Variants in CACNA2D3 observed in about 807,000 individuals in gnomAD.
The protein encoded by CACNA2D3 is voltage-dependent calcium channel subunit alpha-2/delta-3.
CACNA2D3 carries 60 observed loss-of-function variants against 160.6 expected under a neutral mutation model. That is an observed-to-expected ratio of 0.37 (90% confidence interval 0.30 to 0.46). CACNA2D3 has a LOEUF of 0.46. CACNA2D3 is among the 20% of genes least tolerant of loss of function. The pLI is 1.00. For synonymous variants in CACNA2D3, 558 were observed against 492.9 expected, an observed-to-expected ratio of 1.13 and a Z score of -1.75; for missense variants, 1,205 against 1,365.0, an observed-to-expected ratio of 0.88 and a Z score of 1.85.
At chr3:54,383,362 T>C (rs1699136115) in intron 3 of CACNA2D3, among the ~76,000 whole-genome samples, 3 of 152,114 alleles carry the variant, frequency 2.0e-5, no homozygotes. Flanking sequence ...TAGGCCTGTC[T>C]CCTATTGGCA....
chr3:55,004,725 C>G, intron 31 of CACNA2D3, 38 bp from the exon 32 acceptor site: 1 of 1,431,838 alleles, frequency 7.0e-7, no homozygotes, highest in Non-Finnish European at 9.9e-7. Flanking sequence ...CCCGTGTTTT[C>G]TCATTTAGTG....
At chr3:54,551,012 C>G (rs534697374) in intron 5 of CACNA2D3, among the ~76,000 whole-genome samples, 3 of 152,332 alleles carry the variant, frequency 2.0e-5, no homozygotes, top group South Asian at 4.1e-4. Context: ...GCGCCACTCA[C>G]CTGCCACCAC....
At chr3:54,896,377 G>A (rs182626744) in intron 25 of CACNA2D3, among the ~76,000 whole-genome samples, 8 of 152,258 alleles carry the variant, frequency 5.3e-5, no homozygotes, top group African/African-American at 1.7e-4. Context: ...TTCTCCCAAG[G>A]GTATGAGTAT....
intron 2 of CACNA2D3, among the ~76,000 whole-genome samples, chr3:54,288,300 C>T (rs1343121273): frequency 1.6e-4 from 25 of 152,196 alleles, no homozygotes; most frequent in South Asian, 1.0e-3. Flanking sequence ...AACACCTCTA[C>T]GCAAATAAAC....
intron 5 of CACNA2D3, among the ~76,000 whole-genome samples, chr3:54,526,853 G>A (rs1255773415): frequency 2.6e-5 from 4 of 152,124 alleles, no homozygotes; most frequent in African/African-American, 9.7e-5. Context: ...ACCACGCCCA[G>A]CTGATTTTTG....
intron 2 of CACNA2D3, chr3:54,272,914 C>T (rs1702648654): frequency 6.6e-6 from 1 of 152,200 alleles, no homozygotes. Flanking sequence ...CCACCTTGGA[C>T]CCCATTCCTC....
chr3:54,192,134 TGTCA>T (rs1457032348), intron 2 of CACNA2D3, among the ~76,000 whole-genome samples: 2 of 151,732 alleles, frequency 1.3e-5, no homozygotes, highest in South Asian at 4.2e-4. Flanking sequence ...TTTAATTCCC[TGTCA>T]GTCAGCAGTG....
chr3:54,791,259 AC>A (rs1702752625), intron 13 of CACNA2D3, among the ~76,000 whole-genome samples: 1 of 152,140 alleles, frequency 6.6e-6, no homozygotes, highest in Non-Finnish European at 1.5e-5. Context: ...TGTGGGTTAC[AC>A]CCATTTATTA....
In CACNA2D3 at chr3:54,838,578, G is replaced by A; in HGVS notation, c.1481G>A (p.Gly494Asp). Residue 494 changes from glycine (G) to aspartate (D), a missense_variant, in exon 16 of 38, where the codon GGC becomes GAC. Transcript: ENST00000474759. ...FSKQNETRSK[G>D]ILLGVVGTDV... ...GTTTATTTTCGACAGAGATCGAAGG[G>A]CATTCTTCTGGGAGTGGTTGGCACA... 6.2e-7 allele frequency: 1 copy of A among 1,612,622 alleles called. No homozygotes were observed. Among genetic ancestry groups the A allele is most frequent in the Non-Finnish European group, 8.5e-7 (1 of 1,178,658 alleles).
chr3:54,742,119 G>A (rs1057315851), intron 11 of CACNA2D3, among the ~76,000 whole-genome samples: 2 of 152,050 alleles, frequency 1.3e-5, no homozygotes, highest in Admixed American at 6.6e-5. Flanking sequence ...TGTCTGCCTC[G>A]ACTTCAAATA....
At chr3:54,293,594 A>T (rs1245244850) in intron 2 of CACNA2D3, among the ~76,000 whole-genome samples, 2 of 149,286 alleles carry the variant, frequency 1.3e-5, no homozygotes, top group African/African-American at 4.9e-5. Context: ...TATCACATCC[A>T]TGCAGTGGAA....
rs10699574 is a variant in CACNA2D3, at chr3:54,813,863, C to CTTT, written c.1381-2973_1381-2971dup. Among the ~76,000 whole-genome samples, 327 of 121,560 alleles carry CTTT rather than the reference C, an allele frequency of 2.7e-3. 9 individuals carry two copies. The highest frequency in any genetic ancestry group is 8.6e-3 in the African/African-American group (274 of 31,802). The allele number at this position is 121,560 out of a possible 152,430, so 79.7% of individuals were successfully genotyped here. Reference sequence around the variant, plus strand: ...AATTCTGCTATTTGGTTATAATATTCTTTTTTTTTTTTTTTTTTTGAGACA... The same window carrying CTTT: ...AATTCTGCTATTTGGTTATAATATTCTTTTTTTTTTTTTTTTTTTTTTGAGACA... On this transcript the variant is annotated intron_variant, in intron 13 of 37. Transcript: ENST00000474759.
At chr3:54,639,728 C>G (rs1699467188) in intron 10 of CACNA2D3, 2 of 165,860 alleles carry the variant, frequency 1.2e-5, no homozygotes, top group Non-Finnish European at 2.6e-5. Context: ...GGGAGGTCCC[C>G]CGATCCGAGT....
At chr3:54,981,045 A>G (rs1048227326) in intron 29 of CACNA2D3, among the ~76,000 whole-genome samples, 4 of 152,236 alleles carry the variant, frequency 2.6e-5, no homozygotes, top group Non-Finnish European at 5.9e-5. Flanking sequence ...ACAGACAGGC[A>G]GAAGATAAAA....
intron 3 of CACNA2D3, among the ~76,000 whole-genome samples, chr3:54,321,164 A>G (rs1392806596): frequency 6.6e-6 from 1 of 152,014 alleles, no homozygotes; most frequent in Non-Finnish European, 1.5e-5. Flanking sequence ...TACTAAAAAT[A>G]TAAAAATTAG....
intron 21 of CACNA2D3, among the ~76,000 whole-genome samples, chr3:54,881,064 T>A (rs938019197): frequency 2.0e-5 from 3 of 152,030 alleles, no homozygotes; most frequent in Non-Finnish European, 2.9e-5. Context: ...ATGACAGGAG[T>A]TCCGATTCAT....
intron 2 of CACNA2D3, among the ~76,000 whole-genome samples, chr3:54,243,282 C>T (rs1011464039): frequency 4.6e-5 from 7 of 152,174 alleles, no homozygotes; most frequent in South Asian, 4.1e-4. Context: ...GTTTGCGAAA[C>T]GGCAGCTGAT....
intron 27 of CACNA2D3, among the ~76,000 whole-genome samples, chr3:54,916,358 C>T (rs922735868): frequency 7.2e-5 from 11 of 152,114 alleles, no homozygotes; most frequent in Admixed American, 5.9e-4. Flanking sequence ...GTAGTCACTA[C>T]GTCCATAAAG....
chr3:54,469,415 C>T (rs545076796), intron 4 of CACNA2D3, among the ~76,000 whole-genome samples: 6 of 152,136 alleles, frequency 3.9e-5, no homozygotes, highest in East Asian at 3.9e-4. Context: ...AAACCTCATC[C>T]GAATGTCTGT....
Sources: gnomAD v4.1 joint callset for allele counts (sites outside exome capture counted in the v4.1 genomes callset) on GRCh38, gnomAD v4.1.1 for gene constraint, MANE v1.5 for transcripts, NCBI Gene and HGNC (gene_info 2026-07-23, HGNC 2026-07-21) for gene names.